Variants in ABR observed in about 807,000 individuals in gnomAD.
ABR encodes active breakpoint cluster region-related protein.
Under a neutral mutation model 107.2 loss-of-function variants are expected in ABR, and 35 were observed. The ratio of observed to expected loss-of-function variants is 0.33; its 90% CI spans 0.25 to 0.43. The LOEUF (loss-of-function observed/expected upper bound fraction) is 0.43, where lower values mean the gene tolerates loss of function less well. ABR is among the 20% of genes least tolerant of loss of function. The probability of loss-of-function intolerance (pLI) is 1.00; values close to 1 mark genes in which losing one functional copy is unlikely to be tolerated. For synonymous variants in ABR, 498 were observed against 462.0 expected (o/e 1.08, Z -1.00); for missense variants, 815 against 1,115.2 (o/e 0.73, Z 3.83).
rs936058275 is a variant in ABR at position 1,210,165 on chromosome 17, C to G, written c.838+18628G>C. 6.6e-6 allele frequency among the ~76,000 whole-genome samples: 1 copy of G among 152,202 alleles called. No individual in the cohort carries two copies. The highest frequency in any genetic ancestry group is 1.5e-5 in the Non-Finnish European group (1 of 68,042). ...AACAGAATCTAGAGAGGCGGAAGCTCAGCCCAGCTGTGTTGGTACTGTGGG... is the reference window on the plus strand; with the variant it reads ...AACAGAATCTAGAGAGGCGGAAGCTGAGCCCAGCTGTGTTGGTACTGTGGG... On this transcript the variant is annotated intron_variant, in intron 1 of 22. Coordinates refer to the ABR transcript ENST00000574139. The surrounding 1 kb of genome is among the most constrained non-coding windows in gnomAD (Gnocchi z 5.6).
At position 1,133,628 on chromosome 17, in the gene ABR, C is replaced by T. The variant is rs181979749; in HGVS notation, c.62-8261G>A. The stretch of plus-strand genomic sequence containing the variant: ...TAGAAAAAAGACTGGAAGGCTACAA[C>T]ACAAAATCATTAGAGCCTTCCGATT... On this transcript the variant is annotated intron_variant, in intron 1 of 22. Coordinates refer to ENST00000302538, the MANE Select transcript of ABR (RefSeq NM_021962.5). Among the ~76,000 whole-genome samples the T allele has an allele frequency of 9.9e-5, 15 of 152,242 alleles. No homozygotes were observed. The East Asian group carries it at 2.9e-3, about 29-fold the overall frequency.
upstream of ABR, among the ~76,000 whole-genome samples, chr17:1,180,038 CG>C (rs1236233097): frequency 5.4e-3 from 45 of 8,262 alleles, no homozygotes; most frequent in Admixed American, 0.029. Flanking sequence ...GGCTTTGGTG[CG>C]GGGGCGGGGC....
At chr17:1,036,626 A>G (rs2073198014) in intron 16 of ABR, among the ~76,000 whole-genome samples, 1 of 151,820 alleles carries the variant, frequency 6.6e-6, no homozygotes, top group South Asian at 2.1e-4. Context: ...CGAGCATGGG[A>G]GCCCGGGGTG....
chr17:1,199,395 G>T (rs1234219943), intron 1 of ABR, among the ~76,000 whole-genome samples: 1 of 150,902 alleles, frequency 6.6e-6, no homozygotes, highest in Non-Finnish European at 1.5e-5. Flanking sequence ...AGGCTGTTGG[G>T]GTTTTTGTTT....
intron 2 of ABR, among the ~76,000 whole-genome samples, chr17:1,113,120 G>A (rs1253512558): frequency 6.6e-6 from 1 of 152,048 alleles, no homozygotes; most frequent in African/African-American, 2.4e-5. Flanking sequence ...GCCTACCCTC[G>A]CGGAGCTGAC....
At chr17:1,039,444 G>C (rs913113832) in intron 16 of ABR, 1 of 152,356 alleles carries the variant, frequency 6.6e-6, no homozygotes, top group Non-Finnish European at 1.5e-5. Context: ...TTCGACGGCA[G>C]GGCAGGCACT....
intron 16 of ABR, among the ~76,000 whole-genome samples, chr17:1,028,548 C>T (rs540488967): frequency 1.3e-5 from 2 of 152,350 alleles, no homozygotes; most frequent in Admixed American, 6.5e-5. Flanking sequence ...GGGCTCTCCA[C>T]CCCGCCCTTC....
rs544264330 is a variant in ABR, at chr17:1,208,887, C to CAA, written c.838+19904_838+19905dup. On this transcript the variant is annotated intron_variant, in intron 1 of 22. Transcript: ENST00000574139. The stretch of plus-strand genomic sequence containing the variant: ...TGGGTGAGAGTGTGAGACTCCGTCT[C>CAA]AAAAAAAAAAAAAAAAAGCCTGCTT... Among the ~76,000 whole-genome samples, 169 of 64,642 alleles carry CAA rather than the reference C, an allele frequency of 2.6e-3. 3 individuals carry two copies. Among genetic ancestry groups the CAA allele is most frequent in the African/African-American group, 7.8e-3 (147 of 18,874 alleles). The allele number at this position is 64,642 out of a possible 152,430, so 42.4% of individuals were successfully genotyped here.
intron 2 of ABR, among the ~76,000 whole-genome samples, chr17:1,123,696 GC>G (rs1224941942): frequency 6.6e-6 from 1 of 152,182 alleles, no homozygotes; most frequent in Non-Finnish European, 1.5e-5. Flanking sequence ...GTCCCCCCGG[GC>G]GGGGCTCTGA....
At position 1,214,037 on chromosome 17, in the gene ABR, G is replaced by A. The variant is rs192733667; in HGVS notation, c.838+14756C>T. 1.9e-3 allele frequency among the ~76,000 whole-genome samples: 290 copies of A among 152,064 alleles called. 3 individuals are homozygous for A. Among genetic ancestry groups the A allele is most frequent in the Non-Finnish European group, 2.6e-3 (176 of 67,980 alleles). On this transcript the variant is annotated intron_variant, in intron 1 of 22. Transcript: ENST00000574139. ...CGAGTAGCTGGGATTACAGGCGCCC[G>A]CCACCACGCCCGGCTAATTTTGTAT...
At chr17:1,088,763 AT>A (rs2036805049) in intron 4 of ABR, among the ~76,000 whole-genome samples, 1 of 150,562 alleles carries the variant, frequency 6.6e-6, no homozygotes, top group Non-Finnish European at 1.5e-5. Flanking sequence ...TAATTTTTGT[AT>A]TTTTAGTAGA....
chr17:1,185,414 G>A (rs2042254813), intron 1 of ABR, among the ~76,000 whole-genome samples: 1 of 152,112 alleles, frequency 6.6e-6, no homozygotes, highest in Non-Finnish European at 1.5e-5. Flanking sequence ...GGAGGCCGAG[G>A]CCAGCGGGTC....
chr17:1,089,567 C>T (rs2036878330), intron 4 of ABR, among the ~76,000 whole-genome samples: 1 of 152,196 alleles, frequency 6.6e-6, no homozygotes, highest in Non-Finnish European at 1.5e-5. Context: ...ACGTCTCCCT[C>T]CATGCCCTTC....
chr17:1,101,768 C>A (rs1350159304), intron 2 of ABR, among the ~76,000 whole-genome samples: 1 of 149,934 alleles, frequency 6.7e-6, no homozygotes, highest in Non-Finnish European at 1.5e-5. Flanking sequence ...GAGTCTCGCT[C>A]TGTCGCCCAG....
chr17:1,173,372 AC>A (rs199921843), intron 1 of ABR, among the ~76,000 whole-genome samples: 2 of 121,636 alleles, frequency 1.6e-5, no homozygotes, highest in African/African-American at 3.4e-5. Flanking sequence ...ACCTCAGCCC[AC>A]CCCCCACACA....
chr17:1,137,380 G>A (rs2040115737), intron 1 of ABR, among the ~76,000 whole-genome samples: 1 of 152,104 alleles, frequency 6.6e-6, no homozygotes, highest in Non-Finnish European at 1.5e-5. Context: ...TAAAGTGACA[G>A]ACGCACACCT....
chr17:1,134,709 G>C (rs1043758518), intron 1 of ABR, among the ~76,000 whole-genome samples: 1 of 152,230 alleles, frequency 6.6e-6, no homozygotes, highest in Non-Finnish European at 1.5e-5. Flanking sequence ...CACTCGGGGA[G>C]GGGAGGTGGC....
rs763100854 is a variant in ABR, at chr17:1,072,722, G to C, written c.786C>G (p.Pro262=). The change falls in exon 8 of 23, where the codon CCC becomes CCG. Residue 262 remains proline (P), a synonymous_variant. Coordinates refer to ENST00000302538, the MANE Select transcript of ABR (RefSeq NM_021962.5). ...GGGCATCCTGCAGCAGCGGGTAGTCGGGGTGGTCCACAGGTGTGTGCTTCA... is the reference window on the plus strand; with the variant it reads ...GGGCATCCTGCAGCAGCGGGTAGTCCGGGTGGTCCACAGGTGTGTGCTTCA... ...DLLKHTPVDH[P]DYPLLQDALR... is the part of the protein sequence containing the mutation. 7 of 1,613,708 alleles carry C rather than the reference G, an allele frequency of 4.3e-6. No individual in the cohort carries two copies. Among genetic ancestry groups the C allele is most frequent in the Non-Finnish European group, 5.9e-6 (7 of 1,179,880 alleles).
chr17:1,025,389 C>T (rs2072110811), intron 16 of ABR, among the ~76,000 whole-genome samples: 3 of 152,316 alleles, frequency 2.0e-5, no homozygotes, highest in South Asian at 2.1e-4. Flanking sequence ...ACCTCAGTTG[C>T]GTCACAGGCT....
Sources: allele counts gnomAD v4.1 joint callset (sites outside exome capture counted in the v4.1 genomes callset), GRCh38; gene constraint gnomAD v4.1.1; non-coding constraint Gnocchi (gnomAD v3.1); transcripts MANE v1.5; gene names NCBI Gene and HGNC (gene_info 2026-07-23, HGNC 2026-07-21).